Variants in BLM observed in about 807,000 individuals in gnomAD.
BLM encodes the protein recQ-like DNA helicase BLM.
BLM carries 95 observed loss-of-function variants against 135.3 expected under a neutral mutation model. That is an observed-to-expected ratio of 0.70 (90% CI 0.59 to 0.83). BLM has a LOEUF of 0.83. Among genes scored for constraint, BLM ranks in the 40% least tolerant of loss-of-function variants. The pLI, the probability that BLM is intolerant of heterozygous loss-of-function variation, is 0.00. For missense variants in BLM, 1,518 were observed against 1,663.9 expected, an observed-to-expected ratio of 0.91 and a Z score of 1.53; for synonymous variants, 520 against 589.2, an observed-to-expected ratio of 0.88 and a Z score of 1.70.
At chr15:90,747,280 C>T (rs1017824543) in intron 1 of BLM, 109 bp from the exon 2 acceptor site, 8 of 656,834 alleles carry the variant, frequency 1.2e-5, no homozygotes, top group Non-Finnish European at 1.9e-5. Flanking sequence ...TTACTCTGGG[C>T]ACAGTTGGAA....
intron 1 of BLM, among the ~76,000 whole-genome samples, chr15:90,746,309 T>C (rs780595992): frequency 4.6e-5 from 7 of 152,176 alleles, no homozygotes; most frequent in Non-Finnish European, 7.3e-5. Flanking sequence ...AATTAAGATA[T>C]AATTCACATG....
rs145338357 is a variant in BLM, at chr15:90,758,100, A to G, written c.1088-2047A>G. ...TCGCCACGTTGACCAGGCTGGTGTC[A>G]AACTCCTGATCTCAGGTGATCCTCC... On this transcript the variant is annotated intron_variant, in intron 5 of 21. Transcript: ENST00000355112. 3.6e-3 allele frequency among the ~76,000 whole-genome samples: 550 copies of G among 151,940 alleles called. 2 individuals carry two copies. The highest frequency in any genetic ancestry group is 0.013 in the African/African-American group (527 of 41,508).
At chr15:90,782,964 A>T (rs745921864) in intron 13 of BLM, 36 bp downstream of exon 13, 4 of 1,505,472 alleles carry the variant, frequency 2.7e-6, no homozygotes, top group Non-Finnish European at 3.7e-6. Context: ...TCTAGAAGTA[A>T]CAAATGTCTT....
chr15:90,762,549 T>G, intron 7 of BLM: 1 of 205,992 alleles, frequency 4.9e-6, no homozygotes, highest in Non-Finnish European at 9.9e-6. Context: ...ATGTTTAAGA[T>G]CATAGGACTA....
intron 14 of BLM, among the ~76,000 whole-genome samples, chr15:90,788,383 G>C (rs1896806086): frequency 6.7e-6 from 1 of 149,986 alleles, no homozygotes; most frequent in African/African-American, 2.5e-5. Flanking sequence ...AAAAAGTTTA[G>C]AAATACATCA....
chr15:90,793,991 G>T, intron 15 of BLM, 176 bp from the exon 16 acceptor site: 2 of 409,378 alleles, frequency 4.9e-6, no homozygotes, highest in Non-Finnish European at 8.6e-6. Flanking sequence ...CTAAAATCTT[G>T]AGGATGAACA....
chr15:90,807,584 A>T (rs886334935), intron 19 of BLM, among the ~76,000 whole-genome samples: 4 of 151,914 alleles, frequency 2.6e-5, no homozygotes, highest in Non-Finnish European at 4.4e-5. Flanking sequence ...ATTTTTTTGC[A>T]GAGACAGGGC....
At chr15:90,806,078 TA>T (rs983802918) in intron 19 of BLM, among the ~76,000 whole-genome samples, 14 of 152,036 alleles carry the variant, frequency 9.2e-5, no homozygotes, top group South Asian at 2.1e-4. Flanking sequence ...TCCAAATCAG[TA>T]AAAAAAATTC....
intron 1 of BLM, among the ~76,000 whole-genome samples, chr15:90,730,605 G>A (rs895597410): frequency 3.3e-5 from 5 of 149,596 alleles, no homozygotes; most frequent in African/African-American, 9.7e-5. Context: ...GCGTCACTGC[G>A]CCCAGCTAAT....
At chr15:90,719,726 T>G (rs1236102673) in intron 1 of BLM, among the ~76,000 whole-genome samples, 2 of 152,092 alleles carry the variant, frequency 1.3e-5, no homozygotes, top group African/African-American at 4.8e-5. Flanking sequence ...TATTAAAAAT[T>G]AAAAGATATA....
intron 1 of BLM, among the ~76,000 whole-genome samples, chr15:90,725,667 AT>A (rs71154128): frequency 0.033 from 4,631 of 141,396 alleles, 223 homozygotes; most frequent in African/African-American, 0.1. Context: ...TGCCCGGCTA[AT>A]TTTTTTTTTT....
intron 1 of BLM, among the ~76,000 whole-genome samples, chr15:90,727,970 C>T (rs943960257): frequency 1.3e-5 from 2 of 152,038 alleles, no homozygotes; most frequent in African/African-American, 4.8e-5. Context: ...ATCTCCATAT[C>T]GTCTTCCAAT....
intron 1 of BLM, among the ~76,000 whole-genome samples, chr15:90,737,018 A>G (rs1895236056): frequency 2.0e-5 from 3 of 152,190 alleles, no homozygotes; most frequent in African/African-American, 7.2e-5. Flanking sequence ...AATCCACAAG[A>G]ACAGTACAAA....
chr15:90,804,402 G>A, intron 19 of BLM, 43 bp downstream of exon 19: 3 of 1,551,306 alleles, frequency 1.9e-6, no homozygotes, highest in Non-Finnish European at 2.7e-6. Context: ...CAGATTAATA[G>A]GCCGAAAGTT....
rs1896223602 is a variant in BLM at position 90,769,162 on chromosome 15, T to C, written c.2337T>C (p.Thr779=). ...GTGCAAGTAACAGACTCATTTCTAC[T>C]CTGGAGAATCTCTATGAGAGGAAGC... is the stretch of plus-strand genomic sequence containing the variant. The part of the protein sequence containing the change: ...KICASNRLIS[T]LENLYERKLL... Residue 779 remains threonine, a synonymous_variant, in exon 11 of 22, where the codon ACT becomes ACC. Coordinates refer to ENST00000355112, the MANE Select transcript of BLM (RefSeq NM_000057.4). 2 of 1,613,648 alleles carry C rather than the reference T, an allele frequency of 1.2e-6. No homozygotes were observed. Among genetic ancestry groups the C allele is most frequent in the Non-Finnish European group, 1.7e-6 (2 of 1,179,500 alleles).
intron 12 of BLM, among the ~76,000 whole-genome samples, chr15:90,770,179 T>C (rs1228670523): frequency 2.8e-4 from 35 of 126,264 alleles, no homozygotes; most frequent in African/African-American, 9.4e-4. Context: ...CCCCCCCCCT[T>C]TTTTTTTTTT....
At chr15:90,784,524 T>C (rs1896696111) in intron 13 of BLM, among the ~76,000 whole-genome samples, 2 of 151,682 alleles carry the variant, frequency 1.3e-5, no homozygotes, top group Admixed American at 1.3e-4. Flanking sequence ...TTAGTGAAGA[T>C]AGCTTTTCAC....
At chr15:90,718,783 T>TA (rs1273892169) in intron 1 of BLM, among the ~76,000 whole-genome samples, 1 of 152,040 alleles carries the variant, frequency 6.6e-6, no homozygotes, top group Non-Finnish European at 1.5e-5. Context: ...AACCAAGAGT[T>TA]AAAAAATCAG....
chr15:90,757,310 CA>C (rs1191128166), intron 5 of BLM, among the ~76,000 whole-genome samples: 1 of 152,164 alleles, frequency 6.6e-6, no homozygotes, highest in Non-Finnish European at 1.5e-5. Context: ...GTGTCAGTGA[CA>C]GGGGCTCTGA....
Sources: allele counts gnomAD v4.1 joint callset (sites outside exome capture counted in the v4.1 genomes callset), GRCh38; gene constraint gnomAD v4.1.1; transcripts MANE v1.5; gene names NCBI Gene and HGNC (gene_info 2026-07-23, HGNC 2026-07-21).